MAGI1: variants seen among roughly 807,000 people sequenced by gnomAD.
The protein encoded by MAGI1 is membrane associated guanylate kinase, WW and PDZ domain containing 1.
MAGI1 carries 58 observed loss-of-function variants against 139.9 expected under a neutral mutation model. That is an observed-to-expected ratio of 0.41 (90% CI 0.34 to 0.52). The LOEUF (loss-of-function observed/expected upper bound fraction) is 0.52, where lower values mean the gene tolerates loss of function less well. Ranked by LOEUF, MAGI1 falls within the 20% of genes least tolerant of loss-of-function variation. The pLI is 0.12. For missense variants in MAGI1, 1,874 were observed against 1,901.6 expected (o/e 0.99, Z 0.27); for synonymous variants, 812 against 737.9 (o/e 1.10, Z -1.63).
At chr3:65,876,468 C>A (rs148503713) in intron 1 of MAGI1, among the ~76,000 whole-genome samples, 1 of 151,922 alleles carries the variant, frequency 6.6e-6, no homozygotes, top group South Asian at 2.1e-4. Flanking sequence ...GTGGGTTTTA[C>A]GGAGTAAAAC....
intron 12 of MAGI1, among the ~76,000 whole-genome samples, chr3:65,404,055 A>AT (rs1283292824): frequency 6.6e-6 from 1 of 152,188 alleles, no homozygotes; most frequent in Non-Finnish European, 1.5e-5. Context: ...ACTCAAACAC[A>AT]TGTGTGGCTT....
intron 1 of MAGI1, among the ~76,000 whole-genome samples, chr3:65,675,109 C>T (rs563543882): frequency 2.0e-5 from 3 of 152,266 alleles, no homozygotes; most frequent in East Asian, 1.9e-4. Flanking sequence ...ATCTCCCCAA[C>T]AAAACTTCAA....
At chr3:65,461,397 AGTAGAGATGGTGTTTCACCAC>A (rs1384359860) in intron 5 of MAGI1, among the ~76,000 whole-genome samples, 1 of 150,898 alleles carries the variant, frequency 6.6e-6, no homozygotes, top group Admixed American at 6.6e-5. Flanking sequence ...TTGTATTTTT[AGTAGAGATGGTGTTTCACCAC>A]GTTAGGCAGG....
chr3:65,861,440 G>A (rs944833615), intron 1 of MAGI1, among the ~76,000 whole-genome samples: 3 of 152,038 alleles, frequency 2.0e-5, no homozygotes, highest in African/African-American at 7.3e-5. Context: ...ATAGTCATGG[G>A]GAGAAAAGAA....
chr3:66,019,886 G>C (rs566751636), intron 1 of MAGI1, among the ~76,000 whole-genome samples: 9 of 151,968 alleles, frequency 5.9e-5, no homozygotes, highest in Admixed American at 4.6e-4. Flanking sequence ...TCTATTCCAT[G>C]GCTTCTCTCT....
At chr3:65,505,850 T>A (rs1027500798) in intron 2 of MAGI1, among the ~76,000 whole-genome samples, 2 of 152,066 alleles carry the variant, frequency 1.3e-5, no homozygotes, top group Non-Finnish European at 2.9e-5. Context: ...AAAAAACTCT[T>A]ACACTGCAGA....
intron 1 of MAGI1, among the ~76,000 whole-genome samples, chr3:65,869,482 G>A (rs1181097114): frequency 6.7e-6 from 1 of 149,924 alleles, no homozygotes; most frequent in African/African-American, 2.5e-5. Context: ...CTCACTGCAA[G>A]CTCCACCCCC....
At chr3:65,440,062 G>A (rs753920777) in intron 8 of MAGI1, 50 bp from the exon 9 acceptor site, 1 of 1,602,166 alleles carries the variant, frequency 6.2e-7, no homozygotes, top group Admixed American at 1.7e-5. Context: ...CATCCCACCA[G>A]CAAAATGCCA....
chr3:65,980,032 G>A (rs2065485846), intron 1 of MAGI1, among the ~76,000 whole-genome samples: 1 of 152,124 alleles, frequency 6.6e-6, no homozygotes, highest in South Asian at 2.1e-4. Context: ...CCTTGTCCCT[G>A]GGCAACCGAC....
chr3:65,889,330 C>G (rs2060650906), intron 1 of MAGI1, among the ~76,000 whole-genome samples: 1 of 152,212 alleles, frequency 6.6e-6, no homozygotes, highest in Non-Finnish European at 1.5e-5. Context: ...AGAACCCCTT[C>G]TGTTTCTGTC....
intron 2 of MAGI1, among the ~76,000 whole-genome samples, chr3:65,591,929 C>T (rs779155820): frequency 3.3e-5 from 5 of 152,152 alleles, no homozygotes; most frequent in Admixed American, 6.5e-5. Context: ...CTGCAACATG[C>T]CCAATCTCCA....
At chr3:65,463,557 AAT>A (rs1491521618) in intron 5 of MAGI1, among the ~76,000 whole-genome samples, 1 of 88,274 alleles carries the variant, frequency 1.1e-5, no homozygotes, top group African/African-American at 4.9e-5. Context: ...ATTGGCCTGA[AAT>A]GTGTGTGTGT....
At chr3:65,730,733 T>C (rs1304003748) in intron 1 of MAGI1, among the ~76,000 whole-genome samples, 1 of 152,198 alleles carries the variant, frequency 6.6e-6, no homozygotes, top group African/African-American at 2.4e-5. Context: ...CCCACAAATG[T>C]TTCCTAGAAT....
At chr3:65,650,385 C>A (rs1293198246) in intron 1 of MAGI1, among the ~76,000 whole-genome samples, 4 of 152,208 alleles carry the variant, frequency 2.6e-5, no homozygotes. Flanking sequence ...AACCTGTGCA[C>A]ACGTGTTTTT....
intron 12 of MAGI1, among the ~76,000 whole-genome samples, chr3:65,410,848 A>C (rs1367753350): frequency 6.6e-6 from 1 of 152,194 alleles, no homozygotes; most frequent in Non-Finnish European, 1.5e-5. Flanking sequence ...AAGCTACACA[A>C]CTAACAGGTT....
At chr3:65,895,090 T>C (rs184820535) in intron 1 of MAGI1, among the ~76,000 whole-genome samples, 269 of 152,364 alleles carry the variant, frequency 1.8e-3, no homozygotes, top group African/African-American at 6.2e-3. Context: ...GTGATGTTCA[T>C]GGAGGACTTG....
intron 1 of MAGI1, among the ~76,000 whole-genome samples, chr3:65,696,764 TA>T (rs1485037123): frequency 6.6e-5 from 10 of 152,020 alleles, no homozygotes; most frequent in South Asian, 2.1e-4. Flanking sequence ...GAAACAAGAA[TA>T]GGGGAAAAGC....
intron 1 of MAGI1, among the ~76,000 whole-genome samples, chr3:66,031,004 C>G (rs1245512901): frequency 2.0e-5 from 3 of 152,188 alleles, no homozygotes; most frequent in Non-Finnish European, 4.4e-5. Flanking sequence ...ACCTTGACAT[C>G]TGTTGAAACA....
chr3:65,675,955 T>C lies in MAGI1; in HGVS notation c.314-53867A>G, dbSNP rs369996750. 1.8e-4 allele frequency among the ~76,000 whole-genome samples: 27 copies of C among 152,318 alleles called. No homozygotes were observed. In the East Asian group the frequency reaches 4.2e-3, roughly 24 times the overall value. ...ATTATGGCAGGACTCAATTTTCACCTTGTTTGACGACTTTAAGCTACCCTA... is the reference window on the plus strand; with the variant it reads ...ATTATGGCAGGACTCAATTTTCACCCTGTTTGACGACTTTAAGCTACCCTA... On this transcript the variant is annotated intron_variant, in intron 1 of 22. Coordinates refer to ENST00000402939, the MANE Select transcript of MAGI1 (RefSeq NM_001033057.2).
Sources: allele counts gnomAD v4.1 joint callset (sites outside exome capture counted in the v4.1 genomes callset), GRCh38; gene constraint gnomAD v4.1.1; transcripts MANE v1.5; gene names NCBI Gene and HGNC (gene_info 2026-07-23, HGNC 2026-07-21).